TRIM37: variants seen among roughly 807,000 people sequenced by gnomAD.
TRIM37 encodes tripartite motif containing 37.
In TRIM37, 80 loss-of-function variants were observed where a neutral mutation model predicts 129.8. The observed-to-expected ratio is 0.62, with a 90% CI of 0.51 to 0.74. The LOEUF (loss-of-function observed/expected upper bound fraction) is 0.74, where lower values mean the gene tolerates loss of function less well. TRIM37 is among the 30% of genes least tolerant of loss of function. The pLI, the probability that TRIM37 is intolerant of heterozygous loss-of-function variation, is 0.00. For synonymous variants in TRIM37, 389 were observed against 387.1 expected, an observed-to-expected ratio of 1.00 and a Z score of -0.06; for missense variants, 1,054 against 1,176.5, an observed-to-expected ratio of 0.90 and a Z score of 1.52.
downstream of TRIM37, among the ~76,000 whole-genome samples, chr17:58,995,224 TTCTA>T (rs1317541418): frequency 2.6e-5 from 4 of 152,130 alleles, no homozygotes; most frequent in African/African-American, 9.7e-5. Flanking sequence ...AATTTACATT[TTCTA>T]TCTATCCATT....
intron 22 of TRIM37, among the ~76,000 whole-genome samples, chr17:59,004,219 G>A (rs2034171187): frequency 6.6e-6 from 1 of 151,974 alleles, no homozygotes; most frequent in African/African-American, 2.4e-5. Context: ...AGAGACAATA[G>A]ATAAAAGGAA....
chr17:59,062,783 C>A, intron 10 of TRIM37, 135 bp from the exon 11 acceptor site: 1 of 713,720 alleles, frequency 1.4e-6, no homozygotes, highest in South Asian at 1.6e-5. Flanking sequence ...CTGAACAGGT[C>A]AAAATTCCAC....
chr17:59,007,839 C>T (rs1194374089), intron 22 of TRIM37, among the ~76,000 whole-genome samples: 1 of 152,180 alleles, frequency 6.6e-6, no homozygotes, highest in Non-Finnish European at 1.5e-5. Flanking sequence ...CCAGCCAGTA[C>T]CACAAACAAC....
At chr17:58,991,311 G>A in intron 24 of TRIM37, among the ~76,000 whole-genome samples, 1 of 151,958 alleles carries the variant, frequency 6.6e-6, no homozygotes, top group Admixed American at 6.6e-5. Context: ...GAAGGTGGGT[G>A]GATCACATGA....
chr17:59,054,438 A>T (rs796388357), intron 13 of TRIM37, among the ~76,000 whole-genome samples: 6 of 152,090 alleles, frequency 3.9e-5, no homozygotes, highest in African/African-American at 1.4e-4. Flanking sequence ...AGTAGCTGGG[A>T]TTACAAGTGC....
Position 59,038,051 on chromosome 17 carries a change from C to T in TRIM37, c.1753+3762G>A, listed in dbSNP as rs187219402. 1.1e-4 allele frequency among the ~76,000 whole-genome samples: 17 copies of T among 152,262 alleles called. No homozygotes were observed. In the East Asian group the frequency reaches 3.3e-3, roughly 29 times the overall value. Reference sequence around the variant, plus strand: ...GTCAACATATCAACATGACTTATCACTTACAATACTGTCAACATGCTATCA... The same window carrying T: ...GTCAACATATCAACATGACTTATCATTTACAATACTGTCAACATGCTATCA... On this transcript the variant is annotated intron_variant, in intron 17 of 23. Coordinates refer to ENST00000262294, the MANE Select transcript of TRIM37 (RefSeq NM_015294.6).
intron 22 of TRIM37, among the ~76,000 whole-genome samples, chr17:59,005,108 TGAGTTGAACTTCAAGG>T (rs1156628831): frequency 6.6e-6 from 1 of 152,148 alleles, no homozygotes; most frequent in Non-Finnish European, 1.5e-5. Context: ...TAAAACACAC[TGAGTTGAACTTCAAGG>T]CACAAATTTG....
At chr17:58,982,416 C>G (rs528402604), downstream of TRIM37, 1 of 152,970 alleles carries the variant, frequency 6.5e-6, no homozygotes, top group East Asian at 1.9e-4. Context: ...CAACAGCAGA[C>G]CAGCCTGGCC....
chr17:59,087,096 T>A (rs1280423117), intron 4 of TRIM37, among the ~76,000 whole-genome samples: 1 of 152,070 alleles, frequency 6.6e-6, no homozygotes, highest in East Asian at 1.9e-4. Flanking sequence ...GGTTTTTGGT[T>A]TTGTTTTTGT....
intron 2 of TRIM37, among the ~76,000 whole-genome samples, chr17:59,100,168 T>C (rs2045327757): frequency 6.6e-6 from 1 of 152,124 alleles, no homozygotes; most frequent in Non-Finnish European, 1.5e-5. Context: ...ATTGTTTAGC[T>C]CCCAGATACA....
chr17:59,100,874 T>C (rs1331578034), intron 2 of TRIM37, among the ~76,000 whole-genome samples: 4 of 151,832 alleles, frequency 2.6e-5, no homozygotes, highest in African/African-American at 9.7e-5. Context: ...AATACAAAAT[T>C]AGTCAAGCGT....
Position 59,075,635 on chromosome 17 carries a change from A to T in TRIM37, c.684+12T>A, listed in dbSNP as rs192618526. On this transcript the variant is annotated intron_variant, in intron 8 of 23. Coordinates refer to ENST00000262294, the MANE Select transcript of TRIM37 (RefSeq NM_015294.6). Reference sequence around the variant, plus strand: ...GATAAAGACTATTTCATTACATTTAATATTTCATCACCTGGTGCTCCACCT... The same window carrying T: ...GATAAAGACTATTTCATTACATTTATTATTTCATCACCTGGTGCTCCACCT... 3.8e-6 allele frequency: 6 copies of T among 1,582,000 alleles called. No homozygotes were observed. In the East Asian group the frequency reaches 1.3e-4, roughly 35 times the overall value.
chr17:59,070,722 G>A (rs2042288642), intron 9 of TRIM37, 101 bp downstream of exon 9: 1 of 1,300,396 alleles, frequency 7.7e-7, no homozygotes, highest in South Asian at 1.3e-5. Flanking sequence ...AAAGAAAAGA[G>A]AGAGAGAGAT....
the TRIM37 span, chr17:58,969,709 G>A: frequency 1.9e-6 from 3 of 1,614,136 alleles, no homozygotes; most frequent in Admixed American, 1.7e-5. Context: ...AGCGGTTTGT[G>A]CAGAAAGCAG....
At chr17:59,061,508 G>A (rs2041491268) in intron 11 of TRIM37, among the ~76,000 whole-genome samples, 2 of 151,930 alleles carry the variant, frequency 1.3e-5, no homozygotes, top group Admixed American at 6.6e-5. Flanking sequence ...ACCCTATGCT[G>A]AAAGTAATTA....
rs1333676937 is a variant in TRIM37, at chr17:58,999,158, C to T, written c.*219G>A. 7.3e-7 allele frequency: 1 copy of T among 1,378,882 alleles called. No homozygotes were observed. The highest frequency in any genetic ancestry group is 9.4e-7 in the Non-Finnish European group (1 of 1,067,346). 85.4% of individuals were successfully genotyped at this position (1,378,882 alleles called of 1,614,324 possible). ...AGAGAACTACATTGTTATTTCCTTA[C>T]ATTACAAAGAACTCTTCCCATACTG... On this transcript the variant is annotated 3_prime_UTR_variant, in exon 24 of 24. Coordinates refer to ENST00000262294, the MANE Select transcript of TRIM37 (RefSeq NM_015294.6).
the TRIM37 span, among the ~76,000 whole-genome samples, chr17:58,973,332 G>T: frequency 2.1e-4 from 32 of 151,286 alleles, no homozygotes; most frequent in African/African-American, 7.8e-4. Context: ...CAGGAATATT[G>T]CTTGAACCTG....
chr17:59,087,214 G>GC (rs929345838), intron 4 of TRIM37, among the ~76,000 whole-genome samples: 1 of 151,972 alleles, frequency 6.6e-6, no homozygotes, highest in Non-Finnish European at 1.5e-5. Context: ...TCCTGCCTCA[G>GC]CCCCCCAAGT....
chr17:59,060,253 TG>T (rs1253692639), intron 12 of TRIM37, among the ~76,000 whole-genome samples: 1 of 152,148 alleles, frequency 6.6e-6, no homozygotes, highest in African/African-American at 2.4e-5. Context: ...AGAGTTAGTT[TG>T]TGTTTCTCAT....
Sources: gnomAD v4.1 joint callset for allele counts (sites outside exome capture counted in the v4.1 genomes callset) on GRCh38, gnomAD v4.1.1 for gene constraint, MANE v1.5 for transcripts, NCBI Gene and HGNC (gene_info 2026-07-23, HGNC 2026-07-21) for gene names.